CENPE: variants seen among roughly 807,000 people sequenced by gnomAD.
The protein encoded by CENPE is centromere-associated protein E.
CENPE carries 145 observed loss-of-function variants against 336.1 expected under a neutral mutation model. That is an observed-to-expected ratio of 0.43 (90% CI 0.38 to 0.50). The LOEUF (loss-of-function observed/expected upper bound fraction) is 0.50. Ranked by LOEUF, CENPE falls within the 20% of genes least tolerant of loss-of-function variation. The pLI, the probability that CENPE is intolerant of heterozygous loss-of-function variation, is 0.00. For missense variants in CENPE, 2,719 were observed against 3,023.3 expected, an observed-to-expected ratio of 0.90 and a Z score of 2.36; for synonymous variants, 1,013 against 984.8, an observed-to-expected ratio of 1.03 and a Z score of -0.54.
rs571296252 is a variant in CENPE, at chr4:103,176,060, G to GAA, written c.1391-14_1391-13dup. 37 of 1,438,874 alleles carry GAA rather than the reference G, an allele frequency of 2.6e-5. No homozygotes were observed. The highest frequency in any genetic ancestry group is 8.1e-5 in the South Asian group (6 of 74,072). 89.1% of individuals were successfully genotyped at this position (1,438,874 alleles called of 1,614,324 possible). ...CTCTGAACAGACAGCTATAATTAGA[G>GAA]AAAAAAAAAATTTGTCCATGAACAT... On this transcript the variant is annotated splice_polypyrimidine_tract_variant and intron_variant, in intron 14 of 48. Transcript: ENST00000265148.
intron 45 of CENPE, 50 bp from the exon 46 acceptor site, chr4:103,114,602 CA>C (rs1393247398): frequency 1.7e-6 from 2 of 1,178,066 alleles, no homozygotes; most frequent in Non-Finnish European, 1.2e-6. Context: ...TGATTTTTTA[CA>C]GGAGAATAAA....
intron 4 of CENPE, among the ~76,000 whole-genome samples, chr4:103,195,687 A>G (rs183407369): frequency 6.6e-6 from 1 of 152,204 alleles, no homozygotes; most frequent in Non-Finnish European, 1.5e-5. Flanking sequence ...TTTTGTTGAG[A>G]GTATTATTGT....
At chr4:103,175,325 GAA>G (rs1004228605) in intron 15 of CENPE, among the ~76,000 whole-genome samples, 2 of 151,692 alleles carry the variant, frequency 1.3e-5, no homozygotes, top group African/African-American at 4.8e-5. Flanking sequence ...TATTATAAGA[GAA>G]GAGATAAACC....
At chr4:103,148,034 C>G (rs559205497) in intron 28 of CENPE, among the ~76,000 whole-genome samples, 75 of 152,260 alleles carry the variant, frequency 4.9e-4, no homozygotes, top group African/African-American at 1.7e-3. Flanking sequence ...GATCAGGATA[C>G]TTTTCACAGC....
intron 42 of CENPE, among the ~76,000 whole-genome samples, chr4:103,126,574 G>A (rs145510260): frequency 9.2e-5 from 14 of 152,316 alleles, no homozygotes; most frequent in African/African-American, 3.4e-4. Context: ...ACAGTTTGAA[G>A]AGACTGAATA....
intron 16 of CENPE, among the ~76,000 whole-genome samples, chr4:103,173,103 C>T (rs984432233): frequency 6.6e-5 from 10 of 151,942 alleles, no homozygotes; most frequent in Non-Finnish European, 1.2e-4. Flanking sequence ...CATCTGCCTC[C>T]AAAATATATT....
At chr4:103,157,981 C>T (rs1474887439) in intron 24 of CENPE, among the ~76,000 whole-genome samples, 3 of 151,780 alleles carry the variant, frequency 2.0e-5, no homozygotes, top group African/African-American at 4.8e-5. Flanking sequence ...CCTGGTATAA[C>T]GTTATAAGGC....
intron 45 of CENPE, among the ~76,000 whole-genome samples, chr4:103,114,935 G>A (rs1029220075): frequency 6.6e-6 from 1 of 152,112 alleles, no homozygotes; most frequent in Non-Finnish European, 1.5e-5. Context: ...ATTTCTGTAT[G>A]GTCAGGAAAG....
At chr4:103,106,749 A>G (rs1397666506) in intron 48 of CENPE, among the ~76,000 whole-genome samples, 1 of 152,170 alleles carries the variant, frequency 6.6e-6, no homozygotes, top group Non-Finnish European at 1.5e-5. Context: ...GCTTATAAAC[A>G]ATATTTATTT....
At chr4:103,163,591 T>C (rs774329289) in intron 16 of CENPE, 38 bp from the exon 17 acceptor site, 5 of 706,934 alleles carry the variant, frequency 7.1e-6, no homozygotes, top group Admixed American at 5.0e-5. Flanking sequence ...AGCAAACCAA[T>C]AGTTAATAAA....
chr4:103,195,263 C>A, intron 4 of CENPE, 30 bp from the exon 5 acceptor site: 1 of 1,552,620 alleles, frequency 6.4e-7, no homozygotes, highest in South Asian at 1.2e-5. Flanking sequence ...ATAAAAACAC[C>A]AGGAAGCATC....
At chr4:103,163,053 T>C in intron 18 of CENPE, 84 bp downstream of exon 18, 1 of 1,085,022 alleles carries the variant, frequency 9.2e-7, no homozygotes, top group Admixed American at 2.3e-5. Context: ...CAGCACAAAG[T>C]AGGTCCAGTA....
In CENPE at chr4:103,114,407, T is replaced by C. The variant is rs1389459114; in HGVS notation, c.7540+48A>G. On this transcript the variant is annotated intron_variant, in intron 46 of 48. Transcript: ENST00000265148. ...ATATTAGTCTTCAAAGTCTGTTGTG[T>C]GTTGAGAAGTAAAATTTCATCTGAA... The C allele has an allele frequency of 7.3e-6, 8 of 1,096,782 alleles. No homozygotes were observed. The South Asian group carries it at 1.0e-4, about 14-fold the overall frequency. 67.9% of individuals were successfully genotyped at this position (1,096,782 alleles called of 1,614,324 possible).
chr4:103,158,616 T>C lies in CENPE; in HGVS notation c.2872A>G (p.Met958Val). 1.9e-6 allele frequency: 3 copies of C among 1,594,332 alleles called. No individual in the cohort carries two copies. Among genetic ancestry groups the C allele is most frequent in the Non-Finnish European group, 1.7e-6 (2 of 1,174,488 alleles). ...LKSDIHDTVN[M>V]NIDTQEQLRN... The stretch of plus-strand genomic sequence containing the variant: ...AGTTTAATCAATCAAAACCTTACCA[T>C]GTTAACAGTATCGTGAATATCACTT... The change falls in exon 23 of 49, where the codon ATG becomes GTG. Residue 958 changes from methionine to valine, a missense_variant and splice_region_variant. Met to Val is a conservative substitution (Grantham distance 21, BLOSUM62 1). This residue lies in a region of CENPE where 2,437 missense variants were observed against 2,513.3 expected (regional missense o/e 0.97). Transcript: ENST00000265148.
intron 8 of CENPE, among the ~76,000 whole-genome samples, chr4:103,191,128 G>A (rs150812513): frequency 1.7e-4 from 26 of 152,098 alleles, no homozygotes; most frequent in South Asian, 2.1e-4. Flanking sequence ...AATGGCAATC[G>A]TTAAAAAGTC....
In CENPE at chr4:103,143,404, G is replaced by C. The variant is rs777677047; in HGVS notation, c.5148C>G (p.Asp1716Glu). 52 of 1,577,978 alleles carry C rather than the reference G, an allele frequency of 3.3e-5. No individual in the cohort carries two copies. In the South Asian group the frequency reaches 5.8e-4, roughly 18 times the overall value. The part of the protein sequence containing the change: ...KENLRETITR[D>E]LEKQEELKIV... Reference sequence around the variant, plus strand: ...TTTTTAGCTCCTCTTGTTTTTCTAGGTCCTTTATCAATAGAAAAATAAAAA... The same window carrying C: ...TTTTTAGCTCCTCTTGTTTTTCTAGCTCCTTTATCAATAGAAAAATAAAAA... Residue 1716 changes from aspartate (D) to glutamate (E), a missense_variant and splice_region_variant, in exon 34 of 49, where the codon GAC (aspartate) becomes GAG (glutamate). Coordinates refer to ENST00000265148, the MANE Select transcript of CENPE (RefSeq NM_001813.3).
At chr4:103,162,125 C>T (rs543232426) in intron 18 of CENPE, among the ~76,000 whole-genome samples, 2 of 151,732 alleles carry the variant, frequency 1.3e-5, no homozygotes, top group African/African-American at 4.9e-5. Flanking sequence ...CTCCAGAATA[C>T]ATAAAAGTGC....
chr4:103,144,454 T>C lies in CENPE; in HGVS notation c.5022A>G (p.Leu1674=). ...ATCTCATTTCTTCAAGGTTTTCATG[T>C]AGTATCTGAGTCAACCTTATATTCT... ...ETENIRLTQI[L]HENLEEMRSV... Residue 1674 remains leucine (L), a synonymous_variant, in exon 33 of 49, where the codon CTA becomes CTG. Transcript: ENST00000265148. 5.0e-6 allele frequency: 8 copies of C among 1,614,130 alleles called. No individual in the cohort carries two copies. Among genetic ancestry groups the C allele is most frequent in the Non-Finnish European group, 6.8e-6 (8 of 1,179,970 alleles).
intron 46 of CENPE, among the ~76,000 whole-genome samples, chr4:103,114,004 C>T (rs115862105): frequency 6.6e-6 from 1 of 151,984 alleles, no homozygotes; most frequent in Non-Finnish European, 1.5e-5. Flanking sequence ...AAGACCTTTG[C>T]AAGTAAATAT....
Sources: gnomAD v4.1 joint callset for allele counts (sites outside exome capture counted in the v4.1 genomes callset) on GRCh38, gnomAD v4.1.1 for gene constraint, gnomAD v4.1.1 regional missense constraint, MANE v1.5 for transcripts, NCBI Gene and HGNC (gene_info 2026-07-23, HGNC 2026-07-21) for gene names.